ZNF385B: variants seen among roughly 807,000 people sequenced by gnomAD.
ZNF385B encodes zinc finger protein 533.
A neutral mutation model predicts 39.2 loss-of-function variants in ZNF385B; 23 were observed. That is an observed-to-expected ratio of 0.59 (90% CI 0.42 to 0.83). ZNF385B has a LOEUF of 0.83. ZNF385B is among the 40% of genes least tolerant of loss of function. The probability of loss-of-function intolerance (pLI) is 0.00; values close to 1 mark genes in which losing one functional copy is unlikely to be tolerated. For synonymous variants in ZNF385B, 205 were observed against 222.6 expected (o/e 0.92, Z 0.70); for missense variants, 552 against 598.9 (o/e 0.92, Z 0.82).
chr2:179,468,868 G>A (rs929068616), intron 6 of ZNF385B, among the ~76,000 whole-genome samples: 5 of 117,880 alleles, frequency 4.2e-5, no homozygotes, highest in South Asian at 3.1e-4. Context: ...ATGGACCTAC[G>A]TACTTACTGC....
intron 3 of ZNF385B, among the ~76,000 whole-genome samples, chr2:179,546,988 A>G (rs2060276962): frequency 6.7e-6 from 1 of 149,862 alleles, no homozygotes; most frequent in Non-Finnish European, 1.5e-5. Flanking sequence ...TAATGATTGA[A>G]CACATTTTCA....
intron 3 of ZNF385B, among the ~76,000 whole-genome samples, chr2:179,622,763 G>T (rs912630502): frequency 1.3e-5 from 2 of 152,148 alleles, no homozygotes; most frequent in African/African-American, 4.8e-5. Context: ...AACTGGCATT[G>T]TCAACTAAGA....
chr2:179,458,266 C>A (rs1352180831), intron 6 of ZNF385B, among the ~76,000 whole-genome samples: 19 of 152,134 alleles, frequency 1.2e-4, no homozygotes, highest in Non-Finnish European at 2.9e-5. Context: ...GTGAATAAGT[C>A]TCACGAGATC....
At position 179,823,760 on chromosome 2, in the gene ZNF385B, T is replaced by C. The variant is rs557190477; in HGVS notation, c.-155+37341A>G. 4.4e-4 allele frequency among the ~76,000 whole-genome samples: 67 copies of C among 152,252 alleles called. 3 individuals carry two copies. The South Asian group carries it at 0.014, about 31-fold the overall frequency. Reference sequence around the variant, plus strand: ...TCTTCTCTACCTCCATGACCCAACATCCAACTCTAAGATCTTCCTCTGTCA... The same window carrying C: ...TCTTCTCTACCTCCATGACCCAACACCCAACTCTAAGATCTTCCTCTGTCA... On this transcript the variant is annotated intron_variant, in intron 1 of 9. Transcript: ENST00000410066.
chr2:179,558,989 A>G (rs1279679409), intron 3 of ZNF385B, among the ~76,000 whole-genome samples: 1 of 152,188 alleles, frequency 6.6e-6, no homozygotes, highest in Non-Finnish European at 1.5e-5. Context: ...ATGGGAAAAA[A>G]TGGTGAGGGA....
intron 3 of ZNF385B, among the ~76,000 whole-genome samples, chr2:179,666,759 T>C (rs753650427): frequency 6.6e-6 from 1 of 152,172 alleles, no homozygotes; most frequent in Non-Finnish European, 1.5e-5. Context: ...GCTCTTGCTC[T>C]CATGGAACTT....
At chr2:179,463,831 A>T (rs2051654154) in intron 6 of ZNF385B, among the ~76,000 whole-genome samples, 1 of 152,166 alleles carries the variant, frequency 6.6e-6, no homozygotes, top group Non-Finnish European at 1.5e-5. Context: ...ACGTGTCTTT[A>T]TAGTAGAATG....
At chr2:179,762,591 A>C (rs950642754) in intron 3 of ZNF385B, among the ~76,000 whole-genome samples, 33 of 152,184 alleles carry the variant, frequency 2.2e-4, no homozygotes, top group African/African-American at 6.8e-4. Context: ...TGCTGGATTC[A>C]ATTTGCTCAC....
intron 3 of ZNF385B, among the ~76,000 whole-genome samples, chr2:179,674,784 G>C (rs1053491025): frequency 6.6e-6 from 1 of 152,188 alleles, no homozygotes; most frequent in Non-Finnish European, 1.5e-5. Context: ...GTCAGCACAT[G>C]GGTGGTCTAG....
intron 1 of ZNF385B, among the ~76,000 whole-genome samples, chr2:179,797,691 A>C (rs1284325903): frequency 2.0e-5 from 3 of 152,126 alleles, no homozygotes; most frequent in Non-Finnish European, 4.4e-5. Flanking sequence ...GTATATTTTA[A>C]TGCATTCATT....
chr2:179,584,956 G>A (rs773238460), intron 3 of ZNF385B, among the ~76,000 whole-genome samples: 1 of 152,146 alleles, frequency 6.6e-6, no homozygotes, highest in Non-Finnish European at 1.5e-5. Context: ...CACACACAGA[G>A]AGCAAATGAG....
chr2:179,537,964 T>C (rs1218280689), intron 4 of ZNF385B, among the ~76,000 whole-genome samples: 1 of 152,136 alleles, frequency 6.6e-6, no homozygotes, highest in Non-Finnish European at 1.5e-5. Flanking sequence ...CCTCTTCAAG[T>C]GATTTTGAGT....
chr2:179,770,267 T>C (rs1703938104), intron 2 of ZNF385B, among the ~76,000 whole-genome samples: 1 of 152,176 alleles, frequency 6.6e-6, no homozygotes, highest in Non-Finnish European at 1.5e-5. Context: ...CCCATTACAG[T>C]ATGAGCTCTA....
intron 3 of ZNF385B, among the ~76,000 whole-genome samples, chr2:179,587,351 C>T (rs933636018): frequency 2.6e-5 from 4 of 152,150 alleles, no homozygotes; most frequent in African/African-American, 9.7e-5. Context: ...AATAAACTCT[C>T]TAGGACTTCC....
At chr2:179,463,401 C>T (rs1026348389) in intron 6 of ZNF385B, among the ~76,000 whole-genome samples, 4 of 151,984 alleles carry the variant, frequency 2.6e-5, no homozygotes, top group Non-Finnish European at 4.4e-5. Context: ...ATGTGCAGAA[C>T]GTGCAGTTTT....
chr2:179,531,169 C>T (rs148377557), intron 4 of ZNF385B, among the ~76,000 whole-genome samples: 2 of 152,260 alleles, frequency 1.3e-5, no homozygotes, highest in African/African-American at 4.8e-5. Context: ...CCTCAGGTAA[C>T]ACCTGAACCC....
intron 6 of ZNF385B, among the ~76,000 whole-genome samples, chr2:179,466,382 G>A (rs2052017555): frequency 6.6e-6 from 1 of 151,824 alleles, no homozygotes; most frequent in African/African-American, 2.4e-5. Context: ...CTGACAATCT[G>A]AAGCACATGT....
intron 3 of ZNF385B, among the ~76,000 whole-genome samples, chr2:179,710,059 A>C (rs1324023341): frequency 6.6e-6 from 1 of 152,196 alleles, no homozygotes. Context: ...ACAATCCTAC[A>C]GCAGTGGGGC....
At chr2:179,749,873 T>A (rs909288405) in intron 3 of ZNF385B, among the ~76,000 whole-genome samples, 15 of 152,152 alleles carry the variant, frequency 9.9e-5, no homozygotes, top group African/African-American at 3.6e-4. Flanking sequence ...GCAACTCTTA[T>A]CTTTTAATAC....
Sources: allele counts gnomAD v4.1 joint callset (sites outside exome capture counted in the v4.1 genomes callset), GRCh38; gene constraint gnomAD v4.1.1; transcripts MANE v1.5; gene names NCBI Gene and HGNC (gene_info 2026-07-23, HGNC 2026-07-21).